The following RGSL1 variants were observed in gnomAD, a reference collection of about 807,000 sequenced individuals.
The protein encoded by RGSL1 is regulator of G protein signaling protein-like.
Under a neutral mutation model 124.7 loss-of-function variants are expected in RGSL1, and 97 were observed. That is an observed-to-expected ratio of 0.78 (90% CI 0.66 to 0.92). The LOEUF is 0.92. Among genes scored for constraint, RGSL1 ranks in the 40% least tolerant of loss-of-function variants. RGSL1 has a pLI of 0.00. For synonymous variants in RGSL1, 424 were observed against 438.1 expected, an observed-to-expected ratio of 0.97 and a Z score of 0.40; for missense variants, 1,233 against 1,288.4, an observed-to-expected ratio of 0.96 and a Z score of 0.66.
At position 182,545,494 on chromosome 1, in the gene RGSL1, A is replaced by C. The variant is rs1445257388; in HGVS notation, c.2670-2823A>C. On this transcript the variant is annotated intron_variant, in intron 15 of 21. Coordinates refer to ENST00000294854, the MANE Select transcript of RGSL1 (RefSeq NM_001137669.2). The stretch of plus-strand genomic sequence containing the variant: ...ATTGGTCTGTGCACTCACTTTTACC[A>C]ATGAGTTTTATACCTTCAAAGGCTT... 2.0e-5 allele frequency among the ~76,000 whole-genome samples: 3 copies of C among 152,336 alleles called. No individual in the cohort carries two copies. In the East Asian group the frequency reaches 5.8e-4, roughly 29 times the overall value.
chr1:182,522,633 C>T (rs184093918), intron 10 of RGSL1, among the ~76,000 whole-genome samples: 2 of 152,202 alleles, frequency 1.3e-5, no homozygotes, highest in East Asian at 1.9e-4. Context: ...TCAGGAGTGC[C>T]CACCCACCTT....
chr1:182,479,578 A>T (rs1654541369), intron 6 of RGSL1, among the ~76,000 whole-genome samples: 1 of 152,184 alleles, frequency 6.6e-6, no homozygotes, highest in Non-Finnish European at 1.5e-5. Context: ...GCAATAGAGA[A>T]AGAGAGGGAA....
chr1:182,500,637 A>T (rs1336609826), intron 9 of RGSL1, among the ~76,000 whole-genome samples: 3 of 152,128 alleles, frequency 2.0e-5, no homozygotes, highest in Non-Finnish European at 4.4e-5. Flanking sequence ...TGAACACAGG[A>T]TATATTTTTC....
chr1:182,550,643 C>G (rs960124301), intron 17 of RGSL1: 1 of 157,022 alleles, frequency 6.4e-6, no homozygotes, highest in African/African-American at 2.4e-5. Flanking sequence ...GGGAAGGGCC[C>G]GCTGGGAATA....
chr1:182,488,107 T>G (rs1377993363), intron 6 of RGSL1, among the ~76,000 whole-genome samples, 178 bp from the exon 7 acceptor site: 1 of 152,244 alleles, frequency 6.6e-6, no homozygotes, highest in East Asian at 1.9e-4. Flanking sequence ...AGCTGCTCTA[T>G]TCAGAGATAA....
intron 6 of RGSL1, among the ~76,000 whole-genome samples, chr1:182,481,422 A>G (rs1342553374): frequency 6.6e-6 from 1 of 152,226 alleles, no homozygotes; most frequent in Non-Finnish European, 1.5e-5. Flanking sequence ...CAGACCAATA[A>G]CAGTAAAAGA....
At chr1:182,554,579 G>A (rs376328565) in intron 19 of RGSL1, 48 bp from the exon 20 acceptor site, 55 of 1,513,854 alleles carry the variant, frequency 3.6e-5, no homozygotes, top group East Asian at 1.2e-4. Context: ...CAGTGACTGC[G>A]TCTATGTCAT....
At chr1:182,515,553 A>AC (rs546420833) in intron 9 of RGSL1, among the ~76,000 whole-genome samples, 1 of 109,024 alleles carries the variant, frequency 9.2e-6, no homozygotes, top group Non-Finnish European at 1.9e-5. Context: ...AAAAAAAAAA[A>AC]GGGGGGGGCG....
At chr1:182,451,422 C>A (rs190884635) in intron 1 of RGSL1, among the ~76,000 whole-genome samples, 1 of 152,130 alleles carries the variant, frequency 6.6e-6, no homozygotes, top group East Asian at 1.9e-4. Flanking sequence ...CCTTTCTTGG[C>A]TCACCAAGAT....
chr1:182,490,915 CTTTTTTTTTT>C (rs10676767), intron 8 of RGSL1, among the ~76,000 whole-genome samples: 1 of 129,036 alleles, frequency 7.7e-6, no homozygotes, highest in East Asian at 2.3e-4. Context: ...AGAACATTAT[CTTTTTTTTTT>C]TTTTTTTTGA....
chr1:182,454,365 C>T (rs987207136), intron 2 of RGSL1, among the ~76,000 whole-genome samples: 1 of 152,152 alleles, frequency 6.6e-6, no homozygotes, highest in Non-Finnish European at 1.5e-5. Context: ...ACTGGGTACC[C>T]CTGGCATTCC....
intron 9 of RGSL1, among the ~76,000 whole-genome samples, chr1:182,505,578 G>A (rs1656752875): frequency 6.6e-6 from 1 of 152,068 alleles, no homozygotes; most frequent in African/African-American, 2.4e-5. Flanking sequence ...TCCCTCCTTT[G>A]CCATTTTCTG....
intron 15 of RGSL1, among the ~76,000 whole-genome samples, chr1:182,545,022 C>T (rs1206349085): frequency 6.6e-6 from 1 of 152,080 alleles, no homozygotes; most frequent in African/African-American, 2.4e-5. Context: ...GAACTTACTA[C>T]TGCTATTTTG....
intron 10 of RGSL1, among the ~76,000 whole-genome samples, chr1:182,525,522 A>G (rs1168103844): frequency 1.3e-5 from 2 of 152,174 alleles, no homozygotes; most frequent in African/African-American, 2.4e-5. Context: ...GAGGCAATCA[A>G]TAACAGATTT....
At chr1:182,456,652 A>G (rs1381698106) in intron 2 of RGSL1, among the ~76,000 whole-genome samples, 2 of 152,198 alleles carry the variant, frequency 1.3e-5, no homozygotes, top group East Asian at 1.9e-4. Flanking sequence ...AATTAAAACA[A>G]TTCACAATAA....
At chr1:182,507,892 G>A (rs1019665284) in intron 9 of RGSL1, among the ~76,000 whole-genome samples, 2 of 151,968 alleles carry the variant, frequency 1.3e-5, no homozygotes, top group Non-Finnish European at 2.9e-5. Flanking sequence ...TTTTAGAGAC[G>A]GGGTTTTGGC....
intron 10 of RGSL1, among the ~76,000 whole-genome samples, chr1:182,523,411 C>A (rs1299220174): frequency 6.6e-6 from 1 of 152,154 alleles, no homozygotes; most frequent in Non-Finnish European, 1.5e-5. Context: ...CTAGATAGAT[C>A]TTCCTCCCTT....
chr1:182,451,068 T>C lies in RGSL1; in HGVS notation c.13+890T>C, dbSNP rs953096310. On this transcript the variant is annotated intron_variant, in intron 1 of 21. Transcript: ENST00000294854. ...GGTTGAGACACAAGAATCACTTGAATCTGGGAGGCAGAGTCTGCAGTGAGT... is the reference window on the plus strand; with the variant it reads ...GGTTGAGACACAAGAATCACTTGAACCTGGGAGGCAGAGTCTGCAGTGAGT... 5.3e-5 allele frequency among the ~76,000 whole-genome samples: 8 copies of C among 149,790 alleles called. No homozygotes were observed. The East Asian group carries it at 9.8e-4, about 18-fold the overall frequency.
intron 9 of RGSL1, among the ~76,000 whole-genome samples, chr1:182,515,103 T>C (rs887249925): frequency 6.6e-6 from 1 of 152,052 alleles, no homozygotes; most frequent in Non-Finnish European, 1.5e-5. Flanking sequence ...CCATGGCAGG[T>C]GCCACCCACA....
Sources: allele counts gnomAD v4.1 joint callset (sites outside exome capture counted in the v4.1 genomes callset), GRCh38; gene constraint gnomAD v4.1.1; transcripts MANE v1.5; gene names NCBI Gene and HGNC (gene_info 2026-07-23, HGNC 2026-07-21).